Variants in MUC4 observed in about 807,000 individuals in gnomAD.
MUC4 encodes mucin-4.
MUC4 carries 202 observed loss-of-function variants against 257.9 expected under a neutral mutation model. That is an observed-to-expected ratio of 0.78 (90% CI 0.70 to 0.88). The LOEUF (loss-of-function observed/expected upper bound fraction) is 0.88, where lower values mean the gene tolerates loss of function less well. Ranked by LOEUF, MUC4 falls within the 40% of genes least tolerant of loss-of-function variation. The pLI is 0.00. For missense variants in MUC4, 5,976 were observed against 6,513.7 expected (o/e 0.92, Z 2.84); for synonymous variants, 2,351 against 2,757.1 (o/e 0.85, Z 4.62).
intron 7 of MUC4, among the ~76,000 whole-genome samples, chr3:195,767,698 AAAAATACCACCATCGGCCACCACCAC>A (rs1560263711): frequency 2.5e-5 from 1 of 39,864 alleles, no homozygotes; most frequent in Non-Finnish European, 4.4e-5. Flanking sequence ...CCACCCCCCA[AAAAATACCACCATCGGCCACCACCAC>A]CATCACCACC....
intron 1 of MUC4, among the ~76,000 whole-genome samples, 184 bp downstream of exon 1, chr3:195,811,552 C>T (rs1203096296): frequency 2.6e-5 from 4 of 151,948 alleles, no homozygotes; most frequent in Non-Finnish European, 4.4e-5. Context: ...CCCATGTTGT[C>T]CCATTCATCT....
At position 195,757,115 on chromosome 3, in the gene MUC4, C is replaced by G; in HGVS notation, c.15168+32G>C. 1 of 1,573,724 alleles carries G rather than the reference C, an allele frequency of 6.4e-7. No individual in the cohort carries two copies. The highest frequency in any genetic ancestry group is 8.7e-7 in the Non-Finnish European group (1 of 1,151,050). ...ACTCCCATTTCCTCTCCCCTCGGCA[C>G]AGAAACTCCTCCCCCACCTCCCAAC... On this transcript the variant is annotated intron_variant, in intron 18 of 24. Coordinates refer to ENST00000463781, the MANE Select transcript of MUC4 (RefSeq NM_018406.7). The surrounding 1 kb of genome is among the most constrained non-coding windows in gnomAD (Gnocchi z 4.8).
At chr3:195,800,121 T>C (rs1033082919) in intron 1 of MUC4, among the ~76,000 whole-genome samples, 2 of 151,916 alleles carry the variant, frequency 1.3e-5, no homozygotes, top group African/African-American at 4.8e-5. Flanking sequence ...CTACTAAAAA[T>C]ACAAAAATTA....
intron 20 of MUC4, 43 bp downstream of exon 20, chr3:195,753,008 C>T (rs920525568): frequency 6.5e-7 from 1 of 1,549,992 alleles, no homozygotes; most frequent in African/African-American, 1.4e-5. Flanking sequence ...GGGTGGGGCC[C>T]AGGAAGAGTG....
Position 195,751,125 on chromosome 3 carries a change from G to A in MUC4, c.15648-13C>T. On this transcript the variant is annotated splice_polypyrimidine_tract_variant and intron_variant, in intron 22 of 24. Transcript: ENST00000463781. Reference sequence around the variant, plus strand: ...TGCTGCAGAATCGCTGTGTGGGAGGGCAACGGTGAGGGGGGGTGGGGGGCT... The same window carrying A: ...TGCTGCAGAATCGCTGTGTGGGAGGACAACGGTGAGGGGGGGTGGGGGGCT... 2 of 955,504 alleles carry A rather than the reference G, an allele frequency of 2.1e-6. No homozygotes were observed. The highest frequency in any genetic ancestry group is 3.8e-5 in the African/African-American group (2 of 52,116). 59.2% of individuals were successfully genotyped at this position (955,504 alleles called of 1,614,324 possible). A position where few individuals can be genotyped will look rare whatever the true frequency, so the allele number is the denominator to read the frequency against.
intron 18 of MUC4, among the ~76,000 whole-genome samples, chr3:195,754,907 G>A (rs927698264): frequency 3.2e-4 from 15 of 46,360 alleles, no homozygotes; most frequent in South Asian, 2.2e-3. Flanking sequence ...GTATGTATGT[G>A]TGTGTCATGC....
rs2148789630 is a variant in MUC4 at position 195,759,176 on chromosome 3, A to C, written c.14934T>G (p.Ala4978=). 1 of 1,614,054 alleles carries C rather than the reference A, an allele frequency of 6.2e-7. No homozygotes were observed. Among genetic ancestry groups the C allele is most frequent in the African/African-American group, 1.3e-5 (1 of 75,008 alleles). Residue 4978 remains alanine, a synonymous_variant, in exon 17 of 25, where the codon GCT becomes GCG. Coordinates refer to ENST00000463781, the MANE Select transcript of MUC4 (RefSeq NM_018406.7). Reference sequence around the variant, plus strand: ...CTCTGAGCGTGAAGTTGGCATCCTCAGCATTGCTGGTGTACTGAATCAGCG... The same window carrying C: ...CTCTGAGCGTGAAGTTGGCATCCTCCGCATTGCTGGTGTACTGAATCAGCG... ...QTTLIQYTSN[A]EDANFTLRDS...
intron 1 of MUC4, 103 bp downstream of exon 1, chr3:195,811,633 T>G (rs1486518929): frequency 9.3e-6 from 6 of 643,128 alleles, no homozygotes; most frequent in Non-Finnish European, 1.4e-5. Flanking sequence ...TCCCCTATTC[T>G]CTCTCTCTCT....
intron 4 of MUC4, 111 bp from the exon 5 acceptor site, chr3:195,771,927 T>C (rs1045425774): frequency 2.5e-6 from 3 of 1,207,570 alleles, no homozygotes; most frequent in Non-Finnish European, 3.5e-6. Context: ...GCTTTAGAGA[T>C]GCTAACAACC....
In MUC4 at chr3:195,789,507, T is replaced by C. The variant is rs1297080533; in HGVS notation, c.2073A>G (p.Ala691=). 5 of 1,613,836 alleles carry C rather than the reference T, an allele frequency of 3.1e-6. No individual in the cohort carries two copies. The South Asian group carries it at 4.4e-5, about 14-fold the overall frequency. The change falls in exon 2 of 25, where the codon GCA becomes GCG. Residue 691 remains alanine, a synonymous_variant. Coordinates refer to ENST00000463781, the MANE Select transcript of MUC4 (RefSeq NM_018406.7). ...TGGGAGCTGGGGCAAAGGTTGTTGC[T>C]GCACTTATGGTGGGTGCGTCCTGAG... ...IVPQDAPTIS[A]ATTFAPAPTG... is the part of the protein sequence containing the mutation.
intron 20 of MUC4, 131 bp from the exon 21 acceptor site, chr3:195,752,577 T>C (rs1716670170): frequency 1.4e-6 from 1 of 738,454 alleles, no homozygotes; most frequent in Non-Finnish European, 2.4e-6. Flanking sequence ...CCGGGAGAAG[T>C]GGCCCTCACC....
chr3:195,749,076 G>T lies in MUC4; in HGVS notation c.15872-12C>A. 1 of 1,608,868 alleles carries T rather than the reference G, an allele frequency of 6.2e-7. No homozygotes were observed. The highest frequency in any genetic ancestry group is 2.2e-5 in the East Asian group (1 of 44,732). On this transcript the variant is annotated splice_polypyrimidine_tract_variant and intron_variant, in intron 23 of 24. Coordinates refer to ENST00000463781, the MANE Select transcript of MUC4 (RefSeq NM_018406.7). Reference sequence around the variant, plus strand: ...CGTGCTCACGTTCACTGTCGGGAAGGACACAGATTAACACAGAAAGCAACC... The same window carrying T: ...CGTGCTCACGTTCACTGTCGGGAAGTACACAGATTAACACAGAAAGCAACC...
chr3:195,775,313 C>A (rs539254132), intron 3 of MUC4, among the ~76,000 whole-genome samples: 1 of 100,668 alleles, frequency 9.9e-6, no homozygotes, highest in South Asian at 3.0e-4. Flanking sequence ...TTCAGCCACC[C>A]CAAATGCTTC....
In MUC4 at chr3:195,788,493, G is replaced by T. The variant is rs1280348254; in HGVS notation, c.3087C>A (p.Asp1029Glu). 9.1e-6 allele frequency: 14 copies of T among 1,544,464 alleles called. No individual in the cohort carries two copies. Among genetic ancestry groups the T allele is most frequent in the African/African-American group, 4.1e-5 (3 of 72,516 alleles). ...TGHTTPLPVT[D>E]TSSESTGHVT... is the part of the protein sequence containing the mutation. Reference sequence around the variant, plus strand: ...CGTGACCTGTGGATTCTGAGGAAGTGTCGGTGACAGGAAGAGGGGTGGTGT... The same window carrying T: ...CGTGACCTGTGGATTCTGAGGAAGTTTCGGTGACAGGAAGAGGGGTGGTGT... Residue 1029 changes from aspartate to glutamate, a missense_variant, in exon 2 of 25, where the codon GAC becomes GAA. Physicochemically the swap from Asp to Glu is conservative, Grantham distance 45. This residue lies in a region of MUC4 where 1,583 missense variants were observed against 1,257.4 expected (regional missense o/e 1.26). Transcript: ENST00000463781.
intron 20 of MUC4, 42 bp downstream of exon 20, chr3:195,753,009 A>T: frequency 6.5e-7 from 1 of 1,549,838 alleles, no homozygotes; most frequent in Non-Finnish European, 8.8e-7. Flanking sequence ...GGTGGGGCCC[A>T]GGAAGAGTGC....
chr3:195,754,816 ATG>A (rs1560226401), intron 18 of MUC4, among the ~76,000 whole-genome samples: 1 of 17,500 alleles, frequency 5.7e-5, no homozygotes, highest in African/African-American at 9.1e-5. Flanking sequence ...GTATGTATCC[ATG>A]TGTGTATCCA....
rs200291819 is a variant in MUC4 at position 195,766,735 on chromosome 3, C to T, written c.13546G>A (p.Glu4516Lys). 23 of 1,614,090 alleles carry T rather than the reference C, an allele frequency of 1.4e-5. No homozygotes were observed. The highest frequency in any genetic ancestry group is 1.3e-4 in the East Asian group (6 of 44,882). ...GGCTGGGACATCAGTGGGCTGTTTT[C>T]GAAATAGCCATCTCCACTGCAGGAA... ...MGFSSGDGYF[E>K]NSPLMSQPVW... Residue 4516 changes from glutamate (E) to lysine (K), a missense_variant, in exon 8 of 25, where the codon GAA (glutamate) becomes AAA (lysine). By Grantham distance (56) the Glu-to-Lys change is moderately conservative. Around this residue, in one of 44 missense-constraint regions of MUC4, gnomAD observed 996 missense variants for 1,137.3 expected, o/e 0.88. Transcript: ENST00000463781.
intron 3 of MUC4, among the ~76,000 whole-genome samples, chr3:195,775,859 G>GCCATACCTTCCACAC (rs1560285204): frequency 5.1e-5 from 3 of 58,932 alleles, no homozygotes; most frequent in Admixed American, 2.2e-4. Flanking sequence ...ACCTTCCACG[G>GCCATACCTTCCACAC]CCATACCTTC....
intron 4 of MUC4, among the ~76,000 whole-genome samples, chr3:195,773,430 TCTCA>T (rs1229348156): frequency 2.0e-5 from 3 of 151,036 alleles, no homozygotes; most frequent in South Asian, 2.1e-4. Flanking sequence ...GAAACCTCTC[TCTCA>T]CTCAGCAGGT....
Sources: allele counts gnomAD v4.1 joint callset (sites outside exome capture counted in the v4.1 genomes callset), GRCh38; gene constraint gnomAD v4.1.1; regional missense constraint gnomAD v4.1.1; non-coding constraint Gnocchi (gnomAD v3.1); transcripts MANE v1.5; gene names NCBI Gene and HGNC (gene_info 2026-07-23, HGNC 2026-07-21).